TACC2: variants seen among roughly 807,000 people sequenced by gnomAD.
TACC2 encodes transforming acidic coiled-coil containing protein 2, also known as transforming acidic coiled-coil-containing protein 2.
A neutral mutation model predicts 227.3 loss-of-function variants in TACC2; 137 were observed. The observed-to-expected ratio is 0.60, with a 90% CI of 0.52 to 0.69. The LOEUF is 0.69. Among genes scored for constraint, TACC2 ranks in the 30% least tolerant of loss-of-function variants. The pLI is 0.00. For missense variants in TACC2, 3,470 were observed against 3,694.4 expected, an observed-to-expected ratio of 0.94 and a Z score of 1.57; for synonymous variants, 1,523 against 1,487.5, an observed-to-expected ratio of 1.02 and a Z score of -0.55.
intron 6 of TACC2, among the ~76,000 whole-genome samples, chr10:122,133,324 A>G (rs2088784846): frequency 1.3e-5 from 2 of 151,990 alleles, no homozygotes; most frequent in Admixed American, 1.3e-4. Context: ...CTCCGTCTAC[A>G]CTGTGCTTGG....
intron 1 of TACC2, among the ~76,000 whole-genome samples, chr10:121,992,759 A>G (rs971198027): frequency 2.0e-5 from 3 of 152,126 alleles, no homozygotes; most frequent in Non-Finnish European, 4.4e-5. Context: ...GTTTGAGACC[A>G]GCCTGGGCAA....
intron 8 of TACC2, among the ~76,000 whole-genome samples, chr10:122,196,947 A>C (rs1451081135): frequency 4.7e-5 from 7 of 149,350 alleles, no homozygotes; most frequent in Admixed American, 2.7e-4. Flanking sequence ...AAAAAAAAAA[A>C]AAAACAAAAA....
rs1245051891 is a variant in TACC2 at position 122,085,469 on chromosome 10, C to G, written c.2969C>G (p.Pro990Arg). 5.0e-6 allele frequency: 8 copies of G among 1,613,738 alleles called. No homozygotes were observed. The highest frequency in any genetic ancestry group is 1.1e-5 in the South Asian group (1 of 91,086). Residue 990 changes from proline to arginine, a missense_variant, in exon 4 of 23, where the codon CCA becomes CGA. Transcript: ENST00000369005. ...RKETCCTGQG[P>R]NKSQQALADA... Reference sequence around the variant, plus strand: ...GAAACTTGCTGCACTGGGCAGGGGCCAAACAAGTCTCAACAGGCATTGGCT... The same window carrying G: ...GAAACTTGCTGCACTGGGCAGGGGCGAAACAAGTCTCAACAGGCATTGGCT...
Position 122,226,375 on chromosome 10 carries a change from G to A in TACC2, c.7618G>A (p.Asp2540Asn), listed in dbSNP as rs373262025. The A allele has an allele frequency of 3.6e-5, 58 of 1,613,572 alleles. No individual in the cohort carries two copies. In the African/African-American group the frequency reaches 3.9e-4, roughly 11 times the overall value. ...KIGSSLPQDDDAPKKQALYLM... is the reference protein window; with the variant it reads ...KIGSSLPQDDNAPKKQALYLM... The stretch of plus-strand genomic sequence containing the variant: ...ATTTTGATCCCTGCAGCAGGACGAC[G>A]ATGCCCCGAAGAAGCAGGCCTTGTA... Residue 2540 changes from aspartate to asparagine, a missense_variant, in exon 13 of 23, where the codon GAT (aspartate) becomes AAT (asparagine). Physicochemically the swap from Asp to Asn is conservative, Grantham distance 23. Transcript: ENST00000369005.
intron 5 of TACC2, among the ~76,000 whole-genome samples, chr10:122,110,289 C>G (rs2083438664): frequency 6.6e-6 from 1 of 152,210 alleles, no homozygotes; most frequent in Non-Finnish European, 1.5e-5. Flanking sequence ...AAGCCTGCAT[C>G]TTTCCTCCTC....
intron 2 of TACC2, among the ~76,000 whole-genome samples, chr10:122,038,118 G>A (rs1960989395): frequency 6.6e-6 from 1 of 152,106 alleles, no homozygotes; most frequent in Admixed American, 6.6e-5. Context: ...AAATTAGCAG[G>A]GTGTGGTGGT....
chr10:121,999,559 GC>G (rs1239900747), intron 1 of TACC2, among the ~76,000 whole-genome samples: 30 of 152,348 alleles, frequency 2.0e-4, no homozygotes, highest in African/African-American at 7.0e-4. Context: ...TGTTTGCAGG[GC>G]CTGGTGGAAG....
At chr10:122,067,230 A>G (rs2077480320) in intron 3 of TACC2, among the ~76,000 whole-genome samples, 1 of 152,048 alleles carries the variant, frequency 6.6e-6, no homozygotes, top group African/African-American at 2.4e-5. Context: ...TAGGTCTGCT[A>G]GGGGTTATTC....
chr10:122,092,651 A>G (rs1283486260), intron 5 of TACC2, among the ~76,000 whole-genome samples: 3 of 152,234 alleles, frequency 2.0e-5, no homozygotes, highest in Non-Finnish European at 4.4e-5. Context: ...TGGCATTGCT[A>G]ATGGATGTGG....
At chr10:122,220,606 C>T (rs770832005) in intron 11 of TACC2, among the ~76,000 whole-genome samples, 3 of 152,182 alleles carry the variant, frequency 2.0e-5, no homozygotes, top group African/African-American at 4.8e-5. Flanking sequence ...AGAAAGAATC[C>T]GTGTGGGGCG....
intron 7 of TACC2, among the ~76,000 whole-genome samples, chr10:122,163,003 C>T (rs1449062784): frequency 6.6e-6 from 1 of 152,052 alleles, no homozygotes; most frequent in Non-Finnish European, 1.5e-5. Context: ...CTCGCAGGCC[C>T]AGTACCTTTT....
intron 19 of TACC2, chr10:122,246,603 C>T (rs2096125656): frequency 1.3e-5 from 2 of 152,246 alleles, no homozygotes; most frequent in Non-Finnish European, 2.9e-5. Flanking sequence ...CTCTGTTCCG[C>T]CTTCTGTAAA....
chr10:122,008,895 T>C (rs1955585454), intron 1 of TACC2, among the ~76,000 whole-genome samples: 2 of 152,220 alleles, frequency 1.3e-5, no homozygotes, highest in Non-Finnish European at 2.9e-5. Context: ...TTAAATTCCA[T>C]GTGCTTTGAA....
chr10:122,100,648 A>G (rs2137595036), intron 5 of TACC2, among the ~76,000 whole-genome samples: 1 of 151,544 alleles, frequency 6.6e-6, no homozygotes, highest in Non-Finnish European at 1.5e-5. Flanking sequence ...CTGGTTTCGA[A>G]CTCCTGACCT....
At chr10:122,054,401 C>G (rs1307803835) in intron 3 of TACC2, among the ~76,000 whole-genome samples, 1 of 152,234 alleles carries the variant, frequency 6.6e-6, no homozygotes, top group Non-Finnish European at 1.5e-5. Context: ...GCCAGTACAG[C>G]TGATGTAGCA....
At chr10:122,091,234 C>A (rs1167064535) in intron 5 of TACC2, among the ~76,000 whole-genome samples, 1 of 149,070 alleles carries the variant, frequency 6.7e-6, no homozygotes, top group South Asian at 2.2e-4. Context: ...AATACACACC[C>A]AATGTTGAAA....
chr10:122,244,986 CT>C (rs2096077926), intron 19 of TACC2: 1 of 152,174 alleles, frequency 6.6e-6, no homozygotes, highest in Non-Finnish European at 1.5e-5. Flanking sequence ...TTTTTTTCTG[CT>C]TTTCTAACAA....
intron 18 of TACC2, 168 bp from the exon 19 acceptor site, chr10:122,241,790 T>G (rs1393068764): frequency 6.0e-6 from 4 of 668,058 alleles, no homozygotes; most frequent in Non-Finnish European, 1.1e-5. Flanking sequence ...AGTGGCATAT[T>G]TAGAGTCACG....
chr10:122,088,785 G>A (rs866805246), intron 5 of TACC2, 194 bp downstream of exon 5: 2 of 1,509,936 alleles, frequency 1.3e-6, no homozygotes, highest in Middle Eastern at 3.4e-4. Flanking sequence ...TTGGAAAAGG[G>A]ATTGAATGAG....
Sources: allele counts gnomAD v4.1 joint callset (sites outside exome capture counted in the v4.1 genomes callset), GRCh38; gene constraint gnomAD v4.1.1; transcripts MANE v1.5; gene names NCBI Gene and HGNC (gene_info 2026-07-23, HGNC 2026-07-21).